HEATR5A: variants seen among roughly 807,000 people sequenced by gnomAD.
The protein encoded by HEATR5A is HEAT repeat containing 5A, also known as HEAT repeat-containing protein 5A.
Under a neutral mutation model 218.8 loss-of-function variants are expected in HEATR5A, and 178 were observed. The ratio of observed to expected loss-of-function variants is 0.81; its 90% CI spans 0.72 to 0.92. The LOEUF (loss-of-function observed/expected upper bound fraction) is 0.92, where lower values mean the gene tolerates loss of function less well. Among genes scored for constraint, HEATR5A ranks in the 40% least tolerant of loss-of-function variants. The pLI is 0.00. For missense variants in HEATR5A, 2,420 were observed against 2,418.9 expected, an observed-to-expected ratio of 1.00 and a Z score of -0.01; for synonymous variants, 864 against 871.6, an observed-to-expected ratio of 0.99 and a Z score of 0.15.
chr14:31,402,896 A>C lies in HEATR5A; in HGVS notation c.80T>G (p.Phe27Cys). ...CTTCTCCAAGTATCTCAACCACTCA[A>C]AAATAAACTCTGCCTTCTGAACTTC... ...LGEVQKAEFI[F>C]EWLRYLEKLL... Residue 27 changes from phenylalanine to cysteine, a missense_variant, in exon 2 of 36, where the codon TTT becomes TGT. By Grantham distance (205) the Phe-to-Cys change is radical. Transcript: ENST00000543095. The C allele has an allele frequency of 6.5e-7, 1 of 1,536,548 alleles. No homozygotes were observed. The highest frequency in any genetic ancestry group is 8.7e-7 in the Non-Finnish European group (1 of 1,146,954).
chr14:31,334,374 T>C (rs1900578336), intron 22 of HEATR5A: 1 of 455,676 alleles, frequency 2.2e-6, no homozygotes, highest in Non-Finnish European at 4.4e-6. Context: ...CCAGGCAAAG[T>C]AACTGAAAAC....
chr14:31,362,946 G>A (rs546993371), intron 14 of HEATR5A, among the ~76,000 whole-genome samples: 5 of 151,984 alleles, frequency 3.3e-5, no homozygotes, highest in Non-Finnish European at 5.9e-5. Context: ...AGGCCAAGGA[G>A]GGTGAATCAC....
chr14:31,386,542 C>A lies in HEATR5A; in HGVS notation c.1223G>T (p.Arg408Leu), dbSNP rs756352502. 6.3e-7 allele frequency: 1 copy of A among 1,599,432 alleles called. No individual in the cohort carries two copies. The change falls in exon 9 of 36, where the codon CGG (arginine) becomes CTG (leucine). Residue 408 changes from arginine (R) to leucine (L), a missense_variant. Physicochemically the swap from Arg to Leu is moderately radical, Grantham distance 102 (BLOSUM62 -2). Transcript: ENST00000543095. ...AGCGGCTACATCTGTGGAACCAAGCCGGGTTTCCAAATTACCATCACTCAT... is the reference window on the plus strand; with the variant it reads ...AGCGGCTACATCTGTGGAACCAAGCAGGGTTTCCAAATTACCATCACTCAT... ...AVMSDGNLET[R>L]LGSTDVAASQ...
intron 31 of HEATR5A, 79 bp downstream of exon 31, chr14:31,306,653 A>T: frequency 7.3e-7 from 1 of 1,362,290 alleles, no homozygotes; most frequent in Non-Finnish European, 9.8e-7. Context: ...GATTATCAAA[A>T]CTATATAGAT....
intron 14 of HEATR5A, among the ~76,000 whole-genome samples, chr14:31,362,189 G>A (rs562624033): frequency 5.3e-5 from 8 of 151,980 alleles, no homozygotes; most frequent in African/African-American, 1.7e-4. Flanking sequence ...GGCTGGTCTC[G>A]AATTCCTGAC....
chr14:31,297,678 A>C (rs1028359900), intron 33 of HEATR5A: 1 of 151,994 alleles, frequency 6.6e-6, no homozygotes, highest in African/African-American at 2.4e-5. Context: ...AGGTAAAATA[A>C]GTACACAGTT....
intron 11 of HEATR5A, among the ~76,000 whole-genome samples, chr14:31,378,541 G>T (rs555252618): frequency 6.6e-6 from 1 of 151,920 alleles, no homozygotes; most frequent in South Asian, 2.1e-4. Flanking sequence ...TAATCCCAGC[G>T]CTTTGGGAGG....
chr14:31,314,083 G>C (rs1241950061), intron 27 of HEATR5A, among the ~76,000 whole-genome samples: 1 of 151,986 alleles, frequency 6.6e-6, no homozygotes, highest in East Asian at 1.9e-4. Context: ...AAGTAGCTGG[G>C]ATTACAGGTG....
At chr14:31,407,648 G>A (rs1009296815) in intron 1 of HEATR5A, among the ~76,000 whole-genome samples, 1 of 149,448 alleles carries the variant, frequency 6.7e-6, no homozygotes, top group South Asian at 2.1e-4. Flanking sequence ...GTATTTTGGA[G>A]ATGGAGTTTC....
chr14:31,293,877 G>A lies in HEATR5A; in HGVS notation c.5833+14C>T. 6.4e-7 allele frequency: 1 copy of A among 1,571,608 alleles called. No individual in the cohort carries two copies. Among genetic ancestry groups the A allele is most frequent in the Non-Finnish European group, 8.7e-7 (1 of 1,152,934 alleles). On this transcript the variant is annotated intron_variant, in intron 35 of 35. Transcript: ENST00000543095. Reference sequence around the variant, plus strand: ...TTTGTTGAGACTGAGTATGAATTTAGTGCTGACACTTACGATGGTGTTCTT... The same window carrying A: ...TTTGTTGAGACTGAGTATGAATTTAATGCTGACACTTACGATGGTGTTCTT...
Position 31,331,495 on chromosome 14 carries a change from C to T in HEATR5A, c.3368-5153G>A, listed in dbSNP as rs118067289. ...TCTCTAGAAGTTCCAGACTTTGCCA[C>T]ATCTTCCTGTCTTCTTCTGAGCCCT... On this transcript the variant is annotated intron_variant, in intron 22 of 35. Coordinates refer to ENST00000543095, the MANE Select transcript of HEATR5A (RefSeq NM_015473.4). Among the ~76,000 whole-genome samples, 70 of 152,302 alleles carry T rather than the reference C, an allele frequency of 4.6e-4. No homozygotes were observed. In the East Asian group the frequency reaches 7.7e-3, roughly 17 times the overall value.
chr14:31,303,521 T>C (rs190983898), intron 32 of HEATR5A, among the ~76,000 whole-genome samples: 1 of 152,314 alleles, frequency 6.6e-6, no homozygotes, highest in Admixed American at 6.5e-5. Context: ...TAAATACCTA[T>C]AATCTGCTAG....
chr14:31,304,677 A>C (rs944155681), intron 32 of HEATR5A, among the ~76,000 whole-genome samples: 1 of 152,196 alleles, frequency 6.6e-6, no homozygotes, highest in African/African-American at 2.4e-5. Flanking sequence ...TTGGCCTTCC[A>C]AAGTGCTGGG....
In HEATR5A at chr14:31,386,633, G is replaced by A. The variant is rs1318523086; in HGVS notation, c.1190-58C>T. Reference sequence around the variant, plus strand: ...CCACTGTATTAAAATATATTGAAAAGGGTGTGAAGAGTAAAAAGGTATAAC... The same window carrying A: ...CCACTGTATTAAAATATATTGAAAAAGGTGTGAAGAGTAAAAAGGTATAAC... On this transcript the variant is annotated intron_variant, in intron 8 of 35. Coordinates refer to ENST00000543095, the MANE Select transcript of HEATR5A (RefSeq NM_015473.4). 4 of 1,461,032 alleles carry A rather than the reference G, an allele frequency of 2.7e-6. No homozygotes were observed. In the African/African-American group the frequency reaches 5.7e-5, roughly 21 times the overall value. The allele number at this position is 1,461,032 out of a possible 1,614,324, so 90.5% of individuals were successfully genotyped here.
Position 31,302,639 on chromosome 14 carries a change from TAAAG to T in HEATR5A, c.5240-124_5240-121del, listed in dbSNP as rs1769375917. On this transcript the variant is annotated intron_variant, in intron 32 of 35. Coordinates refer to ENST00000543095, the MANE Select transcript of HEATR5A (RefSeq NM_015473.4). The stretch of plus-strand genomic sequence containing the variant: ...TCAGTTTTTAAAAGATGATTTCTAA[TAAAG>T]AATTATAACTGTTAAGATAATGTAA... The T allele has an allele frequency of 4.5e-6, 3 of 670,336 alleles. No individual in the cohort carries two copies. The East Asian group carries it at 8.2e-5, about 18-fold the overall frequency. The allele number at this position is 670,336 out of a possible 1,614,324, so 41.5% of individuals were successfully genotyped here.
At chr14:31,301,474 T>C (rs1899371556) in intron 33 of HEATR5A, among the ~76,000 whole-genome samples, 1 of 152,200 alleles carries the variant, frequency 6.6e-6, no homozygotes, top group African/African-American at 2.4e-5. Flanking sequence ...TTTATTGATA[T>C]ATGCCAGGTA....
Position 31,385,112 on chromosome 14 carries a change from C to T in HEATR5A, c.1345+1308G>A, listed in dbSNP as rs188746914. On this transcript the variant is annotated intron_variant, in intron 9 of 35. Coordinates refer to ENST00000543095, the MANE Select transcript of HEATR5A (RefSeq NM_015473.4). ...GTTTCTCAGCAAGAAATGTGTGCCA[C>T]GAAGGATAAAAGCCATAATGATATA... 3.9e-5 allele frequency among the ~76,000 whole-genome samples: 6 copies of T among 152,146 alleles called. No homozygotes were observed. The East Asian group carries it at 9.7e-4, about 25-fold the overall frequency.
intron 16 of HEATR5A, among the ~76,000 whole-genome samples, chr14:31,354,033 T>C (rs1901330913): frequency 6.6e-6 from 1 of 151,990 alleles, no homozygotes; most frequent in South Asian, 2.1e-4. Context: ...TCTCTTGGCC[T>C]CGTGATCCGC....
At chr14:31,336,369 C>T (rs1164231513) in intron 22 of HEATR5A, among the ~76,000 whole-genome samples, 1 of 151,266 alleles carries the variant, frequency 6.6e-6, no homozygotes, top group African/African-American at 2.4e-5. Flanking sequence ...GCTGAGATTA[C>T]AAGCATGAGC....
Sources: gnomAD v4.1 joint callset for allele counts (sites outside exome capture counted in the v4.1 genomes callset) on GRCh38, gnomAD v4.1.1 for gene constraint, MANE v1.5 for transcripts, NCBI Gene and HGNC (gene_info 2026-07-23, HGNC 2026-07-21) for gene names.